PCNX4: variants seen among roughly 807,000 people sequenced by gnomAD.
PCNX4 encodes pecanex-like protein 4.
Under a neutral mutation model 107.2 loss-of-function variants are expected in PCNX4, and 103 were observed. That is an observed-to-expected ratio of 0.96 (90% CI 0.82 to 1.13). The LOEUF is 1.13. PCNX4 is among the 50% of genes most tolerant of loss of function. The pLI is 0.00. For missense variants in PCNX4, 1,528 were observed against 1,379.4 expected, an observed-to-expected ratio of 1.11 and a Z score of -1.71; for synonymous variants, 541 against 481.7, an observed-to-expected ratio of 1.12 and a Z score of -1.61.
At position 60,118,406 on chromosome 14, in the gene PCNX4, G is replaced by T. The variant is rs769687066; in HGVS notation, c.1656G>T (p.Trp552Cys). ...CCGTGACTGTGCTTTTGACATCATG[G>T]ACAGAGAAAAAACAACGTCGAAAAA... ...QFAVTVLLTSWTEKKQRRKTT... is the reference protein window; with the variant it reads ...QFAVTVLLTSCTEKKQRRKTT... Residue 552 changes from tryptophan to cysteine, a missense_variant, in exon 7 of 11, where the codon TGG becomes TGT. Trp to Cys is a radical substitution (Grantham distance 215). Transcript: ENST00000406854. The T allele has an allele frequency of 6.2e-7, 1 of 1,613,332 alleles. No homozygotes were observed. The highest frequency in any genetic ancestry group is 8.5e-7 in the Non-Finnish European group (1 of 1,179,614).
At chr14:60,127,764 A>G (rs369943553) in intron 10 of PCNX4, among the ~76,000 whole-genome samples, 48 of 152,346 alleles carry the variant, frequency 3.2e-4, no homozygotes, top group Admixed American at 2.7e-3. Context: ...GGGGGAAAAA[A>G]GCAGACAACC....
chr14:60,125,624 C>G lies in PCNX4; in HGVS notation c.3081-13C>G, dbSNP rs774656970. 6 of 1,441,546 alleles carry G rather than the reference C, an allele frequency of 4.2e-6. No homozygotes were observed. The highest frequency in any genetic ancestry group is 4.6e-6 in the Non-Finnish European group (5 of 1,092,512). 89.3% of individuals were successfully genotyped at this position (1,441,546 alleles called of 1,614,324 possible). A position where few individuals can be genotyped will look rare whatever the true frequency, so the allele number is the denominator to read the frequency against. ...AAATATTCTAAAATTCTTCGGTTCT[C>G]CATTTTTTTTAGGTATACTCTGAAA... On this transcript the variant is annotated splice_polypyrimidine_tract_variant and intron_variant, in intron 9 of 10. Transcript: ENST00000406854.
At chr14:60,128,784 G>C (rs150200431) in intron 10 of PCNX4, among the ~76,000 whole-genome samples, 2 of 152,330 alleles carry the variant, frequency 1.3e-5, no homozygotes, top group East Asian at 1.9e-4. Flanking sequence ...TAACATATAG[G>C]AATGTAATTT....
At chr14:60,125,531 T>A in intron 9 of PCNX4, 106 bp from the exon 10 acceptor site, 1 of 853,494 alleles carries the variant, frequency 1.2e-6, no homozygotes, top group East Asian at 3.0e-5. Flanking sequence ...CTGAAATAGA[T>A]ATGATTTCAG....
Position 60,118,314 on chromosome 14 carries a change from T to G in PCNX4, c.1579-15T>G, listed in dbSNP as rs560297842. 1.3e-6 allele frequency: 2 copies of G among 1,549,194 alleles called. No individual in the cohort carries two copies. Among genetic ancestry groups the G allele is most frequent in the African/African-American group, 2.8e-5 (2 of 72,314 alleles). ...CTTCTAAGGATAAATAAAAATAATT[T>G]TTACATTTCTACAGGTTGGTATCAT... On this transcript the variant is annotated splice_polypyrimidine_tract_variant and intron_variant, in intron 6 of 10. Transcript: ENST00000406854.
chr14:60,103,363 T>C (rs1895568855), intron 1 of PCNX4, among the ~76,000 whole-genome samples: 1 of 152,218 alleles, frequency 6.6e-6, no homozygotes, highest in African/African-American at 2.4e-5. Flanking sequence ...TGTTTTTTAA[T>C]TTCAAAGATC....
At chr14:60,093,392 T>A (rs1046001225) in intron 1 of PCNX4, among the ~76,000 whole-genome samples, 2 of 152,222 alleles carry the variant, frequency 1.3e-5, no homozygotes, top group Non-Finnish European at 2.9e-5. Context: ...AAGCAATTAC[T>A]AATCTGTTTT....
Position 60,124,419 on chromosome 14 carries a change from C to G in PCNX4, c.2248C>G (p.His750Asp). 1 of 1,613,518 alleles carries G rather than the reference C, an allele frequency of 6.2e-7. No individual in the cohort carries two copies. The highest frequency in any genetic ancestry group is 8.5e-7 in the Non-Finnish European group (1 of 1,179,672). ...TGTTCTATCAGGCATAATTGATTCT[C>G]ATGAAAACTTAAAAGAATTTAAAGG... ...RNVLSGIIDS[H>D]ENLKEFKGDL... The change falls in exon 9 of 11, where the codon CAT becomes GAT. Residue 750 changes from histidine (H) to aspartate (D), a missense_variant. Transcript: ENST00000406854.
chr14:60,108,187 A>C lies in PCNX4; in HGVS notation c.549A>C (p.Thr183=). 1 of 1,612,818 alleles carries C rather than the reference A, an allele frequency of 6.2e-7. No individual in the cohort carries two copies. The highest frequency in any genetic ancestry group is 8.5e-7 in the Non-Finnish European group (1 of 1,179,830). ...TACTATTCTTCTTTGGATGGATGAC[A>C]CTATGTATAGCAGAATATTCTTTAA... ...TALLFFFGWM[T]LCIAEYSLIV... is the part of the protein sequence containing the mutation. Residue 183 remains threonine (T), a synonymous_variant, in exon 2 of 11, where the codon ACA becomes ACC. Transcript: ENST00000406854.
intron 6 of PCNX4, 120 bp from the exon 7 acceptor site, chr14:60,118,209 T>A (rs946043294): frequency 7.7e-7 from 1 of 1,307,176 alleles, no homozygotes; most frequent in Non-Finnish European, 9.9e-7. Flanking sequence ...AGAATAAGAT[T>A]TATTTCTTCA....
chr14:60,092,623 C>T (rs1440881702), intron 1 of PCNX4, among the ~76,000 whole-genome samples: 2 of 152,206 alleles, frequency 1.3e-5, no homozygotes, highest in African/African-American at 2.4e-5. Flanking sequence ...TTTAACTTTC[C>T]TTTGAAAGAC....
intron 8 of PCNX4, among the ~76,000 whole-genome samples, chr14:60,122,431 C>T (rs989593666): frequency 3.9e-5 from 6 of 151,948 alleles, no homozygotes; most frequent in African/African-American, 4.8e-5. Flanking sequence ...CTGGCTATTC[C>T]CTCTGCCTAA....
chr14:60,094,777 A>G (rs1476833660), intron 1 of PCNX4, among the ~76,000 whole-genome samples: 2 of 60,752 alleles, frequency 3.3e-5, no homozygotes, highest in East Asian at 5.9e-4. Flanking sequence ...CCCCACCCCC[A>G]TCTTTCTTTA....
intron 10 of PCNX4, among the ~76,000 whole-genome samples, chr14:60,133,092 A>G (rs1484517017): frequency 6.6e-6 from 1 of 152,224 alleles, no homozygotes; most frequent in Non-Finnish European, 1.5e-5. Context: ...ATCCCTAAGT[A>G]TGTATACCTA....
chr14:60,131,800 G>A (rs1037739977), intron 10 of PCNX4, among the ~76,000 whole-genome samples: 4 of 152,132 alleles, frequency 2.6e-5, no homozygotes, highest in Admixed American at 1.3e-4. Flanking sequence ...CAAAACTTAC[G>A]TGAAACAATA....
intron 10 of PCNX4, among the ~76,000 whole-genome samples, chr14:60,129,282 G>A (rs930525262): frequency 6.6e-6 from 1 of 151,206 alleles, no homozygotes; most frequent in East Asian, 1.9e-4. Context: ...GCTGGGCATG[G>A]TAACTTATGA....
intron 1 of PCNX4, among the ~76,000 whole-genome samples, chr14:60,104,749 A>G (rs1895599257): frequency 6.6e-6 from 1 of 152,156 alleles, no homozygotes; most frequent in African/African-American, 2.4e-5. Context: ...TACCACAAGA[A>G]CAGTATGGGG....
chr14:60,119,406 G>C (rs188216980), intron 7 of PCNX4, among the ~76,000 whole-genome samples: 19 of 152,248 alleles, frequency 1.2e-4, no homozygotes, highest in Admixed American at 8.5e-4. Context: ...TTTAACCCCT[G>C]AAACTTGTTT....
intron 1 of PCNX4, among the ~76,000 whole-genome samples, chr14:60,106,884 G>A (rs945013613): frequency 8.5e-5 from 13 of 152,114 alleles, no homozygotes; most frequent in Non-Finnish European, 1.8e-4. Flanking sequence ...AAGTTGCAAG[G>A]AATAGGGAAA....
Sources: allele counts gnomAD v4.1 joint callset (sites outside exome capture counted in the v4.1 genomes callset), GRCh38; gene constraint gnomAD v4.1.1; transcripts MANE v1.5; gene names NCBI Gene and HGNC (gene_info 2026-07-23, HGNC 2026-07-21).